SLC60A2: variants seen among roughly 807,000 people sequenced by gnomAD.
SLC60A2 encodes solute carrier family 60 member 2.
the SLC60A2 span, among the ~76,000 whole-genome samples, chr6:111,279,692 T>C: frequency 6.6e-6 from 1 of 152,216 alleles, no homozygotes; most frequent in Admixed American, 6.5e-5. Context: ...GAGGTTGCCC[T>C]TCTAGGCAGG....
the SLC60A2 span, chr6:111,265,266 T>C: frequency 3.1e-6 from 3 of 978,336 alleles, no homozygotes; most frequent in Non-Finnish European, 2.4e-6. Context: ...AAATATCTGT[T>C]GAAAAAAAAG....
chr6:111,267,129 A>G, the SLC60A2 span: 2 of 1,586,558 alleles, frequency 1.3e-6, no homozygotes, highest in South Asian at 1.1e-5. Context: ...GAGAAGATGG[A>G]TTACTCACTG....
the SLC60A2 span, among the ~76,000 whole-genome samples, chr6:111,277,080 A>G: frequency 2.0e-5 from 3 of 152,224 alleles, no homozygotes; most frequent in Non-Finnish European, 4.4e-5. Context: ...CCCATCCAGA[A>G]AGTGGCTACT....
the SLC60A2 span, chr6:111,266,377 C>G: frequency 6.2e-7 from 1 of 1,614,026 alleles, no homozygotes; most frequent in Non-Finnish European, 8.5e-7. Flanking sequence ...GGGTTGAACT[C>G]CATCTTCTGG....
At chr6:111,265,410 G>A in the SLC60A2 span, 12 of 984,836 alleles carry the variant, frequency 1.2e-5, no homozygotes, top group African/African-American at 3.5e-5. Context: ...GTTCCTGGAC[G>A]TGTGTTTTGC....
chr6:111,265,873 C>T, the SLC60A2 span: 12 of 1,569,206 alleles, frequency 7.6e-6, no homozygotes, highest in South Asian at 1.4e-4. Context: ...CTTTCATCGA[C>T]AGGTGGTAAC....
chr6:111,260,422 AC>A, the SLC60A2 span, among the ~76,000 whole-genome samples: 1 of 152,226 alleles, frequency 6.6e-6, no homozygotes, highest in Non-Finnish European at 1.5e-5. Context: ...GGGGAAAGTG[AC>A]TTTCTGGATC....
At chr6:111,262,724 C>A in the SLC60A2 span, among the ~76,000 whole-genome samples, 155 of 152,288 alleles carry the variant, frequency 1.0e-3, no homozygotes, top group Non-Finnish European at 2.0e-3. Flanking sequence ...GTCCAAAAAA[C>A]TCTGCTTAGA....
chr6:111,266,813 A>T, the SLC60A2 span: 1 of 1,613,972 alleles, frequency 6.2e-7, no homozygotes, highest in Non-Finnish European at 8.5e-7. Flanking sequence ...GCCAGCGAAA[A>T]GAAGACAGAA....
the SLC60A2 span, chr6:111,267,023 A>C: frequency 1.9e-6 from 3 of 1,614,166 alleles, no homozygotes; most frequent in Non-Finnish European, 2.5e-6. Context: ...ATCAATACCC[A>C]TCAAATGCAC....
the SLC60A2 span, among the ~76,000 whole-genome samples, chr6:111,273,227 T>C: frequency 6.6e-6 from 1 of 152,200 alleles, no homozygotes; most frequent in Non-Finnish European, 1.5e-5. Context: ...CATGGCTCAC[T>C]GCAGTCTCAA....
chr6:111,259,703 G>T, the SLC60A2 span: 1 of 1,600,562 alleles, frequency 6.2e-7, no homozygotes, highest in Non-Finnish European at 8.5e-7. Context: ...CCACCTTGAT[G>T]CTGTGTGCCT....
chr6:111,272,153 C>G, the SLC60A2 span, among the ~76,000 whole-genome samples: 1 of 151,848 alleles, frequency 6.6e-6, no homozygotes, highest in African/African-American at 2.4e-5. Context: ...CAGGCTTGTG[C>G]AACCATGCCT....
chr6:111,273,140 T>G, the SLC60A2 span, among the ~76,000 whole-genome samples: 3 of 152,140 alleles, frequency 2.0e-5, no homozygotes, highest in Non-Finnish European at 4.4e-5. Context: ...AAAGATTATA[T>G]TGTGGTCAGA....
the SLC60A2 span, among the ~76,000 whole-genome samples, chr6:111,261,132 G>A: frequency 2.6e-5 from 4 of 152,194 alleles, no homozygotes; most frequent in Non-Finnish European, 4.4e-5. Flanking sequence ...GTACTTGGGC[G>A]TGTAATATTT....
At chr6:111,261,060 A>G in the SLC60A2 span, among the ~76,000 whole-genome samples, 6 of 152,368 alleles carry the variant, frequency 3.9e-5, no homozygotes, top group South Asian at 2.1e-4. Flanking sequence ...CTGAAAGTCA[A>G]TTGTAATCCT....
At chr6:111,266,437 T>A in the SLC60A2 span, 1 of 1,614,242 alleles carries the variant, frequency 6.2e-7, no homozygotes, top group South Asian at 1.1e-5. Context: ...GCTACCTGTT[T>A]ACAGCCTGGA....
the SLC60A2 span, among the ~76,000 whole-genome samples, chr6:111,272,899 C>T: frequency 0.41 from 62,136 of 151,292 alleles, 15,245 homozygotes; most frequent in Non-Finnish European, 0.55. Flanking sequence ...GGCACAATTC[C>T]GGCTCACTGC....
At chr6:111,263,962 A>G in the SLC60A2 span, 5 of 1,311,448 alleles carry the variant, frequency 3.8e-6, no homozygotes, top group Non-Finnish European at 4.4e-6. Context: ...TGAGCTCTTC[A>G]ACGTCATCTC....
Sources: gnomAD v4.1 joint callset for allele counts (sites outside exome capture counted in the v4.1 genomes callset) on GRCh38, gnomAD v4.1.1 for gene constraint, MANE v1.5 for transcripts, NCBI Gene and HGNC (gene_info 2026-07-23, HGNC 2026-07-21) for gene names.